The following NREP variants were observed in gnomAD, a reference collection of about 807,000 sequenced individuals.
NREP encodes the protein neuronal regeneration related protein, also known as neuronal regeneration-related protein.
A neutral mutation model predicts 8.6 loss-of-function variants in NREP; 5 were observed. The observed-to-expected ratio is 0.58, with a 90% CI of 0.30 to 1.22. The LOEUF (loss-of-function observed/expected upper bound fraction) is 1.22, where lower values mean the gene tolerates loss of function less well. NREP is among the 50% of genes most tolerant of loss of function. The pLI, the probability that NREP is intolerant of heterozygous loss-of-function variation, is 0.07. For synonymous variants in NREP, 27 were observed against 28.0 expected, an observed-to-expected ratio of 0.96 and a Z score of 0.11; for missense variants, 86 against 82.5, an observed-to-expected ratio of 1.04 and a Z score of -0.17.
chr5:111,880,798 G>A (rs201048996), intron 2 of NREP, among the ~76,000 whole-genome samples: 37 of 141,054 alleles, frequency 2.6e-4, no homozygotes, highest in Middle Eastern at 4.3e-3. Context: ...GTGCAGTGCC[G>A]TGATCATGGC....
intron 2 of NREP, among the ~76,000 whole-genome samples, chr5:111,966,738 T>G (rs1756653572): frequency 6.6e-6 from 1 of 152,194 alleles, no homozygotes; most frequent in Admixed American, 6.5e-5. Flanking sequence ...ACTTAAGCAT[T>G]TATTTAATAT....
intron 2 of NREP, among the ~76,000 whole-genome samples, chr5:111,774,915 A>C (rs913593376): frequency 6.6e-6 from 1 of 152,220 alleles, no homozygotes; most frequent in Non-Finnish European, 1.5e-5. Flanking sequence ...GTAATTGGTT[A>C]TGGTTAAGAA....
intron 2 of NREP, among the ~76,000 whole-genome samples, chr5:111,850,364 C>T (rs1008825925): frequency 6.6e-6 from 1 of 152,078 alleles, no homozygotes; most frequent in Non-Finnish European, 1.5e-5. Context: ...TATATTTTAG[C>T]CTGATCTTTA....
At chr5:111,734,012 GAACTT>G (rs1174851902) in intron 3 of NREP, 4 of 152,154 alleles carry the variant, frequency 2.6e-5, no homozygotes, top group African/African-American at 9.7e-5. Context: ...AGAGAAGAAA[GAACTT>G]AAAATAGCAG....
intron 2 of NREP, among the ~76,000 whole-genome samples, chr5:111,821,079 A>G (rs1353200510): frequency 6.6e-6 from 1 of 152,196 alleles, no homozygotes; most frequent in Admixed American, 6.5e-5. Context: ...ATTCTGATAT[A>G]TAATTAGGTT....
At chr5:111,735,390 TTG>T (rs767107843) in intron 3 of NREP, 38 bp downstream of exon 3, 1 of 1,334,258 alleles carries the variant, frequency 7.5e-7, no homozygotes, top group Non-Finnish European at 1.1e-6. Flanking sequence ...TGTTTCTATA[TTG>T]AAAATAGTGT....
intron 2 of NREP, among the ~76,000 whole-genome samples, chr5:111,881,139 C>T (rs187421349): frequency 4.3e-4 from 66 of 152,344 alleles, no homozygotes; most frequent in South Asian, 2.9e-3. Context: ...TGTGCTTTTC[C>T]GACAGGCTTA....
At chr5:111,758,503 C>T (rs1277276501), upstream of NREP, among the ~76,000 whole-genome samples, 7 of 152,186 alleles carry the variant, frequency 4.6e-5, no homozygotes, top group African/African-American at 1.7e-4. Flanking sequence ...TAAACTGGTT[C>T]TGTTGCCAAT....
At chr5:111,729,272 G>A (rs1474264696), downstream of NREP, 1 of 152,140 alleles carries the variant, frequency 6.6e-6, no homozygotes, top group African/African-American at 2.4e-5. Flanking sequence ...TTCAAAACTA[G>A]GCCTCTTCAA....
At chr5:111,851,667 G>T (rs1440256155) in intron 2 of NREP, among the ~76,000 whole-genome samples, 1 of 152,024 alleles carries the variant, frequency 6.6e-6, no homozygotes, top group African/African-American at 2.4e-5. Context: ...TTGATCAAAG[G>T]ATACAAAATT....
intron 2 of NREP, among the ~76,000 whole-genome samples, chr5:111,766,866 G>C (rs1483274413): frequency 6.6e-6 from 1 of 152,204 alleles, no homozygotes; most frequent in African/African-American, 2.4e-5. Context: ...TTTTTTCTTG[G>C]TCATAAATCA....
intron 2 of NREP, among the ~76,000 whole-genome samples, chr5:111,826,362 C>T (rs771066196): frequency 6.6e-6 from 1 of 152,162 alleles, no homozygotes; most frequent in Non-Finnish European, 1.5e-5. Flanking sequence ...TCTCCTTCAG[C>T]ACTGTGGAAG....
chr5:111,959,522 G>C (rs17496580), intron 2 of NREP, among the ~76,000 whole-genome samples: 2,668 of 152,036 alleles, frequency 0.018, 29 homozygotes, highest in South Asian at 0.034. Flanking sequence ...CAGCATTGAA[G>C]AGCGTTTAGA....
intron 2 of NREP, among the ~76,000 whole-genome samples, chr5:111,943,236 C>T (rs1045931646): frequency 2.5e-4 from 38 of 152,042 alleles, no homozygotes; most frequent in Non-Finnish European, 7.4e-5. Context: ...TTTGAGCATT[C>T]ATCAGGTGCC....
At chr5:111,800,073 C>G (rs960281024) in intron 2 of NREP, among the ~76,000 whole-genome samples, 1 of 148,602 alleles carries the variant, frequency 6.7e-6, no homozygotes, top group African/African-American at 2.5e-5. Flanking sequence ...GTGCCCACCA[C>G]CACGCCAACT....
chr5:111,872,534 C>T (rs562443386), intron 2 of NREP, among the ~76,000 whole-genome samples: 31 of 152,214 alleles, frequency 2.0e-4, no homozygotes, highest in African/African-American at 6.7e-4. Flanking sequence ...TTAGGAAGTC[C>T]GATGTCCGGC....
intron 2 of NREP, among the ~76,000 whole-genome samples, chr5:111,909,231 A>G (rs1754848662): frequency 6.6e-6 from 1 of 152,006 alleles, no homozygotes; most frequent in Admixed American, 6.6e-5. Context: ...TAAGTTGCAA[A>G]GTAATAAGTG....
intron 2 of NREP, among the ~76,000 whole-genome samples, chr5:111,958,650 G>A (rs1202896297): frequency 6.6e-6 from 1 of 151,622 alleles, no homozygotes; most frequent in African/African-American, 2.4e-5. Context: ...AAGACATAAA[G>A]AAGAATTAAA....
At chr5:111,910,405 A>C (rs1754879886) in intron 2 of NREP, among the ~76,000 whole-genome samples, 1 of 152,032 alleles carries the variant, frequency 6.6e-6, no homozygotes, top group Non-Finnish European at 1.5e-5. Context: ...ATGTGTGGCG[A>C]CAAATTGGCT....
Sources: gnomAD v4.1 joint callset for allele counts (sites outside exome capture counted in the v4.1 genomes callset) on GRCh38, gnomAD v4.1.1 for gene constraint, MANE v1.5 for transcripts, NCBI Gene and HGNC (gene_info 2026-07-23, HGNC 2026-07-21) for gene names.